Variants in ZC3H12B observed in about 807,000 individuals in gnomAD.
The protein encoded by ZC3H12B is zinc finger CCCH-type containing 12B, also known as probable ribonuclease ZC3H12B.
ZC3H12B carries 7 observed loss-of-function variants against 43.9 expected under a neutral mutation model. The observed-to-expected ratio is 0.16, with a 90% CI of 0.09 to 0.30. The LOEUF (loss-of-function observed/expected upper bound fraction) is 0.30, where lower values mean the gene tolerates loss of function less well. ZC3H12B is among the 10% of genes least tolerant of loss of function. ZC3H12B has a pLI of 1.00. For synonymous variants in ZC3H12B, 222 were observed against 241.7 expected, an observed-to-expected ratio of 0.92 and a Z score of 0.76; for missense variants, 475 against 670.2, an observed-to-expected ratio of 0.71 and a Z score of 3.22.
chrX:65,393,126 C>T (rs1412434163), intron 2 of ZC3H12B, among the ~76,000 whole-genome samples: 1 of 111,089 alleles, frequency 9.0e-6, no homozygotes, highest in African/African-American at 3.3e-5. Flanking sequence ...CCACAGGGTC[C>T]TCTGCCTAGG....
the ZC3H12B span, among the ~76,000 whole-genome samples, chrX:65,338,293 C>T: frequency 8.1e-5 from 9 of 111,553 alleles, no homozygotes; most frequent in Admixed American, 5.7e-4. Flanking sequence ...AAACTCACAA[C>T]CTTCCAAGAT....
intron 3 of ZC3H12B, among the ~76,000 whole-genome samples, chrX:65,451,130 A>G (rs1448173449): frequency 1.8e-5 from 2 of 109,316 alleles, no homozygotes; most frequent in East Asian, 5.7e-4. Flanking sequence ...TTGTATTTAT[A>G]GTAGAGATGG....
intron 2 of ZC3H12B, among the ~76,000 whole-genome samples, chrX:65,394,202 T>G (rs2148037156): frequency 8.9e-6 from 1 of 112,517 alleles, no homozygotes; most frequent in Admixed American, 9.4e-5. Context: ...CTCTTTAATT[T>G]AATTAGATCC....
chrX:65,497,753 T>C (rs2068309512), intron 2 of ZC3H12B, among the ~76,000 whole-genome samples: 2 of 112,275 alleles, frequency 1.8e-5, no homozygotes, highest in African/African-American at 6.5e-5. Context: ...CCAATGATAT[T>C]GCTAAGGTCC....
At chrX:65,381,261 C>T (rs2066435018) in intron 2 of ZC3H12B, among the ~76,000 whole-genome samples, 1 of 111,776 alleles carries the variant, frequency 8.9e-6, no homozygotes, top group African/African-American at 3.3e-5. Context: ...ATCTCTCAGA[C>T]CACAGTGCAA....
the ZC3H12B span, among the ~76,000 whole-genome samples, chrX:65,183,098 GTCTAC>G: frequency 8.9e-6 from 1 of 111,902 alleles, no homozygotes; most frequent in Non-Finnish European, 1.9e-5. Flanking sequence ...ATGTAAATCA[GTCTAC>G]TCTAAAGACA....
At position 65,496,947 on chromosome X, in the gene ZC3H12B, C is replaced by T. The variant is rs1204588532; in HGVS notation, c.609-185C>T. On this transcript the variant is annotated intron_variant, in intron 1 of 4. Coordinates refer to ENST00000338957, the Ensembl canonical transcript of ZC3H12B. Reference sequence around the variant, plus strand: ...CTCCAGCCTGGGAGAAAAAGTGAGACCAAAAAAAAAAAAAAAAGAAAAAAA... The same window carrying T: ...CTCCAGCCTGGGAGAAAAAGTGAGATCAAAAAAAAAAAAAAAAGAAAAAAA... Among the ~76,000 whole-genome samples, 4 of 42,795 alleles carry T rather than the reference C, an allele frequency of 9.3e-5. No individual in the cohort carries two copies. In the African/African-American group the frequency reaches 1.4e-3, roughly 15 times the overall value. The allele number at this position is 42,795 out of a possible 115,157, so 37.2% of individuals were successfully genotyped here.
At chrX:65,468,921 C>T (rs1046185595) in intron 3 of ZC3H12B, among the ~76,000 whole-genome samples, 4 of 109,254 alleles carry the variant, frequency 3.7e-5, no homozygotes, top group African/African-American at 1.3e-4. Context: ...GAGCACTGGG[C>T]CAGTGGGGCT....
chrX:65,416,689 C>T (rs1182521968), intron 3 of ZC3H12B, among the ~76,000 whole-genome samples: 3 of 108,239 alleles, frequency 2.8e-5, no homozygotes, highest in African/African-American at 1.0e-4. Context: ...ACTCGGGAGG[C>T]TGAGGCAGGA....
the ZC3H12B span, among the ~76,000 whole-genome samples, chrX:65,170,235 A>T: frequency 1.9e-3 from 209 of 111,528 alleles, 4 homozygotes; most frequent in East Asian, 0.037. Context: ...CCCGGTGGTG[A>T]CAAAATCTCT....
At chrX:65,372,317 C>G (rs2066256000) in intron 2 of ZC3H12B, among the ~76,000 whole-genome samples, 1 of 111,515 alleles carries the variant, frequency 9.0e-6, no homozygotes, top group South Asian at 3.7e-4. Flanking sequence ...CCAAGCCTTC[C>G]AAGTCCAAGT....
chrX:65,460,018 T>C (rs2067711773), intron 3 of ZC3H12B, among the ~76,000 whole-genome samples: 1 of 111,943 alleles, frequency 8.9e-6, no homozygotes, highest in East Asian at 2.8e-4. Context: ...AGTCTCAGGA[T>C]ACAAAATCAA....
the ZC3H12B span, among the ~76,000 whole-genome samples, chrX:65,239,289 G>A: frequency 1.8e-5 from 2 of 110,950 alleles, no homozygotes; most frequent in Admixed American, 9.6e-5. Context: ...AGGATAGTTA[G>A]CTCTTGTTTA....
At chrX:65,078,130 C>T in the ZC3H12B span, among the ~76,000 whole-genome samples, 9 of 111,801 alleles carry the variant, frequency 8.1e-5, no homozygotes, top group South Asian at 3.4e-3. Flanking sequence ...CAGCATCTAC[C>T]AAGAAGGGAG....
chrX:65,246,591 C>A, the ZC3H12B span, among the ~76,000 whole-genome samples: 1 of 111,805 alleles, frequency 8.9e-6, no homozygotes, highest in South Asian at 3.7e-4. Flanking sequence ...GAATAGAGAA[C>A]CCAGAAATAA....
the ZC3H12B span, among the ~76,000 whole-genome samples, chrX:65,310,751 A>C: frequency 2.7e-5 from 3 of 112,021 alleles, no homozygotes; most frequent in Admixed American, 1.9e-4. Context: ...AAACTATACT[A>C]CAAGGCTACA....
chrX:65,428,708 G>T (rs957561939), intron 3 of ZC3H12B, among the ~76,000 whole-genome samples: 1 of 111,938 alleles, frequency 8.9e-6, no homozygotes, highest in African/African-American at 3.2e-5. Context: ...TGTTCCTTTA[G>T]CTCAGTGATG....
At chrX:65,362,356 C>G (rs1391146681), upstream of ZC3H12B, among the ~76,000 whole-genome samples, 1 of 111,478 alleles carries the variant, frequency 9.0e-6, no homozygotes, top group Non-Finnish European at 1.9e-5. Context: ...GTATTGACGG[C>G]CAGGCTTCTA....
chrX:65,339,692 G>T, the ZC3H12B span, among the ~76,000 whole-genome samples: 1 of 111,187 alleles, frequency 9.0e-6, no homozygotes, highest in East Asian at 2.9e-4. Context: ...GGGGTTTCCT[G>T]GGACCCCAGC....
Sources: gnomAD v4.1 joint callset for allele counts (sites outside exome capture counted in the v4.1 genomes callset) on GRCh38, gnomAD v4.1.1 for gene constraint, MANE v1.5 for transcripts, NCBI Gene and HGNC (gene_info 2026-07-23, HGNC 2026-07-21) for gene names.